The following ARFGEF1 variants were observed in gnomAD, a reference collection of about 807,000 sequenced individuals.
ARFGEF1 encodes the protein brefeldin A-inhibited guanine nucleotide-exchange protein 1.
In ARFGEF1, 42 loss-of-function variants were observed where a neutral mutation model predicts 231.0. The ratio of observed to expected loss-of-function variants is 0.18; its 90% confidence interval spans 0.14 to 0.24. The LOEUF is 0.24. ARFGEF1 is among the 10% of genes least tolerant of loss of function. The probability of loss-of-function intolerance (pLI) is 1.00; values close to 1 mark genes in which losing one functional copy is unlikely to be tolerated. For synonymous variants in ARFGEF1, 710 were observed against 732.3 expected, an observed-to-expected ratio of 0.97 and a Z score of 0.49; for missense variants, 1,345 against 2,192.0, an observed-to-expected ratio of 0.61 and a Z score of 7.72.
At chr8:67,235,104 A>G (rs571492428) in intron 22 of ARFGEF1, among the ~76,000 whole-genome samples, 135 of 126,604 alleles carry the variant, frequency 1.1e-3, no homozygotes, top group African/African-American at 4.9e-3. Context: ...GTGTGTGTAT[A>G]TATATACACA....
chr8:67,202,999 A>G, intron 36 of ARFGEF1, 84 bp downstream of exon 36: 3 of 1,383,198 alleles, frequency 2.2e-6, no homozygotes. Context: ...CCTATAGCAG[A>G]CAGTCAATGA....
At chr8:67,269,764 A>C (rs199960723) in intron 10 of ARFGEF1, among the ~76,000 whole-genome samples, 1 of 152,084 alleles carries the variant, frequency 6.6e-6, no homozygotes, top group East Asian at 1.9e-4. Flanking sequence ...AAATAAACCT[A>C]ATTTTTAAAA....
chr8:67,312,249 A>C (rs1330210548), intron 1 of ARFGEF1, among the ~76,000 whole-genome samples: 2 of 151,654 alleles, frequency 1.3e-5, no homozygotes, highest in Non-Finnish European at 2.9e-5. Context: ...AAAAATTAAA[A>C]AAAAAAAAAA....
chr8:67,196,666 G>C (rs1187358161), downstream of ARFGEF1, among the ~76,000 whole-genome samples: 1 of 152,128 alleles, frequency 6.6e-6, no homozygotes, highest in East Asian at 1.9e-4. Context: ...ACCATTGTTT[G>C]TTTGCTTTAC....
intron 37 of ARFGEF1, among the ~76,000 whole-genome samples, chr8:67,200,857 C>T (rs1374628433): frequency 1.3e-5 from 2 of 152,164 alleles, no homozygotes; most frequent in African/African-American, 2.4e-5. Context: ...CTTCACTGAC[C>T]CTTGTGAGGC....
At chr8:67,302,906 TAA>T (rs139020447) in intron 1 of ARFGEF1, among the ~76,000 whole-genome samples, 2,531 of 101,940 alleles carry the variant, frequency 0.025, 57 homozygotes, top group South Asian at 0.054. Flanking sequence ...CCCCATCTCT[TAA>T]AAAAAAAAAA....
rs375248465 is a variant in ARFGEF1, at chr8:67,312,179, T to C, written c.125-9713A>G. On this transcript the variant is annotated intron_variant, in intron 1 of 38. Coordinates refer to ENST00000262215, the MANE Select transcript of ARFGEF1 (RefSeq NM_006421.5). The stretch of plus-strand genomic sequence containing the variant: ...TATCTGCTGACCTTCCCTCCACTAT[T>C]GTCCCATGACCCTGCCAAATCCCCC... Among the ~76,000 whole-genome samples the C allele has an allele frequency of 4.1e-3, 625 of 151,302 alleles. 1 individual carries two copies. The highest frequency in any genetic ancestry group is 9.2e-3 in the South Asian group (44 of 4,762).
chr8:67,195,630 G>A, downstream of ARFGEF1: 2 of 1,571,280 alleles, frequency 1.3e-6, no homozygotes, highest in Non-Finnish European at 1.7e-6. Flanking sequence ...GCCTTTTAAG[G>A]TGAAAGGAAT....
chr8:67,326,472 T>C (rs190670878), intron 1 of ARFGEF1, among the ~76,000 whole-genome samples: 2 of 152,354 alleles, frequency 1.3e-5, no homozygotes, highest in East Asian at 1.9e-4. Context: ...AAGGCCTAAA[T>C]GGATACATAC....
At chr8:67,221,900 A>G (rs1021479875) in intron 29 of ARFGEF1, among the ~76,000 whole-genome samples, 1 of 146,406 alleles carries the variant, frequency 6.8e-6, no homozygotes, top group African/African-American at 2.5e-5. Context: ...TGCAAGCTCC[A>G]CCTCCCAGGT....
chr8:67,334,442 T>C (rs920246454), intron 1 of ARFGEF1, among the ~76,000 whole-genome samples: 10 of 152,170 alleles, frequency 6.6e-5, no homozygotes, highest in Non-Finnish European at 1.3e-4. Flanking sequence ...CAGTAACAAA[T>C]ATTGGTGAGA....
chr8:67,289,561 A>C (rs1023342034), intron 6 of ARFGEF1, among the ~76,000 whole-genome samples: 5 of 147,690 alleles, frequency 3.4e-5, no homozygotes, highest in African/African-American at 1.3e-4. Flanking sequence ...AAAAAAAAAA[A>C]AAAAAAAAAA....
intron 33 of ARFGEF1, 107 bp downstream of exon 33, chr8:67,216,483 T>C: frequency 9.8e-7 from 1 of 1,024,164 alleles, no homozygotes; most frequent in Non-Finnish European, 1.4e-6. Flanking sequence ...AGATATTTTT[T>C]TAATAGCAGG....
In ARFGEF1 at chr8:67,238,420, C is replaced by T. The variant is rs1376978967; in HGVS notation, c.3212G>A (p.Gly1071Glu). Reference sequence around the variant, plus strand: ...AGATCCTTCTCTGCCTCGCACTGTTCCAGAAATGTATCGAGGTTTCACTCC... The same window carrying T: ...AGATCCTTCTCTGCCTCGCACTGTTTCAGAAATGTATCGAGGTTTCACTCC... ...GTGVKPRYIS[G>E]TVRGREGSLT... The change falls in exon 22 of 39, where the codon GGA becomes GAA. Residue 1071 changes from glycine to glutamate, a missense_variant. Gly to Glu is a moderately conservative substitution (Grantham distance 98). This residue lies in a region of ARFGEF1 where 146 missense variants were observed against 321.4 expected (regional missense o/e 0.45). Coordinates refer to ENST00000262215, the MANE Select transcript of ARFGEF1 (RefSeq NM_006421.5). 6.8e-6 allele frequency: 11 copies of T among 1,613,898 alleles called. No individual in the cohort carries two copies. Among genetic ancestry groups the T allele is most frequent in the Non-Finnish European group, 9.3e-6 (11 of 1,179,952 alleles).
chr8:67,322,275 T>TA (rs1219213713), intron 1 of ARFGEF1, among the ~76,000 whole-genome samples: 1 of 152,212 alleles, frequency 6.6e-6, no homozygotes, highest in Non-Finnish European at 1.5e-5. Context: ...GCCAACCTTC[T>TA]AGGTAACTCT....
In ARFGEF1 at chr8:67,252,484, G is replaced by C. The variant is rs974280480; in HGVS notation, c.2698+967C>G. On this transcript the variant is annotated intron_variant, in intron 18 of 38. Coordinates refer to ENST00000262215, the MANE Select transcript of ARFGEF1 (RefSeq NM_006421.5). ...CCATATATAAAATAGGACAGAAAAA[G>C]AGGAATATGAGGATGATACAATATA... 4.6e-5 allele frequency among the ~76,000 whole-genome samples: 7 copies of C among 152,104 alleles called. No homozygotes were observed. In the East Asian group the frequency reaches 5.8e-4, roughly 13 times the overall value.
At chr8:67,236,364 AAAT>A (rs1388965148) in intron 22 of ARFGEF1, among the ~76,000 whole-genome samples, 15 of 36,756 alleles carry the variant, frequency 4.1e-4, no homozygotes, top group African/African-American at 1.1e-3. Flanking sequence ...AAAAAAAAAA[AAAT>A]ATATATATAT....
intron 34 of ARFGEF1, among the ~76,000 whole-genome samples, chr8:67,208,034 T>C (rs1427573789): frequency 6.6e-6 from 1 of 152,204 alleles, no homozygotes; most frequent in Non-Finnish European, 1.5e-5. Flanking sequence ...AATTCAGTCT[T>C]GAGGCTGAGA....
chr8:67,278,284 A>T (rs899396688), intron 7 of ARFGEF1, among the ~76,000 whole-genome samples: 2 of 152,294 alleles, frequency 1.3e-5, no homozygotes, highest in South Asian at 2.1e-4. Context: ...TCACCAGTTA[A>T]TGGGGTAAAT....
Sources: allele counts gnomAD v4.1 joint callset (sites outside exome capture counted in the v4.1 genomes callset), GRCh38; gene constraint gnomAD v4.1.1; regional missense constraint gnomAD v4.1.1; transcripts MANE v1.5; gene names NCBI Gene and HGNC (gene_info 2026-07-23, HGNC 2026-07-21).